The following PRKN variants were observed in gnomAD, a reference collection of about 807,000 sequenced individuals.
The protein encoded by PRKN is E3 ubiquitin-protein ligase parkin.
A neutral mutation model predicts 59.5 loss-of-function variants in PRKN; 56 were observed. That is an observed-to-expected ratio of 0.94 (90% CI 0.76 to 1.18). The LOEUF (loss-of-function observed/expected upper bound fraction) is 1.18. PRKN is among the 50% of genes most tolerant of loss of function. PRKN has a pLI of 0.00. For missense variants in PRKN, 657 were observed against 596.4 expected, an observed-to-expected ratio of 1.10 and a Z score of -1.06; for synonymous variants, 250 against 222.1, an observed-to-expected ratio of 1.13 and a Z score of -1.12.
intron 7 of PRKN, among the ~76,000 whole-genome samples, chr6:161,756,000 A>G (rs1013357745): frequency 2.6e-5 from 4 of 152,208 alleles, no homozygotes; most frequent in African/African-American, 9.7e-5. Flanking sequence ...ACAATTAGCA[A>G]TCAGCTGGGT....
At chr6:162,140,140 T>C (rs1781715142) in intron 4 of PRKN, among the ~76,000 whole-genome samples, 1 of 152,204 alleles carries the variant, frequency 6.6e-6, no homozygotes, top group African/African-American at 2.4e-5. Flanking sequence ...GATAATATGA[T>C]TCTGAACATT....
Position 162,257,884 on chromosome 6 carries a change from A to G in PRKN, c.412+4641T>C, listed in dbSNP as rs183032805. Among the ~76,000 whole-genome samples the G allele has an allele frequency of 1.3e-3, 191 of 152,188 alleles. 2 individuals carry two copies. Among genetic ancestry groups the G allele is most frequent in the Admixed American group, 2.0e-3 (31 of 15,284 alleles). On this transcript the variant is annotated intron_variant, in intron 3 of 11. Transcript: ENST00000366898. ...AGATCATGTCACTCCATTGTTCAAA[A>G]GTCAAATTTTCTCAACAGGGTCAAA...
At chr6:162,449,257 A>G (rs1427271364) in intron 1 of PRKN, among the ~76,000 whole-genome samples, 2 of 152,184 alleles carry the variant, frequency 1.3e-5, no homozygotes, top group Non-Finnish European at 2.9e-5. Flanking sequence ...AGATAAATAA[A>G]ATAAACATTC....
intron 1 of PRKN, among the ~76,000 whole-genome samples, chr6:162,677,176 G>C (rs925671117): frequency 6.6e-6 from 1 of 151,608 alleles, no homozygotes; most frequent in South Asian, 2.1e-4. Context: ...CAGGGCATAG[G>C]AGATAAAGCA....
rs1781150291 is a variant in PRKN, at chr6:161,576,887, A to G, written c.872-7471T>C. 6.6e-6 allele frequency among the ~76,000 whole-genome samples: 1 copy of G among 152,254 alleles called. No homozygotes were observed. The highest frequency in any genetic ancestry group is 1.5e-5 in the Non-Finnish European group (1 of 68,042). On this transcript the variant is annotated intron_variant, in intron 7 of 11. Transcript: ENST00000366898. The surrounding 1 kb of genome is among the most constrained non-coding windows in gnomAD (Gnocchi z 4.6). ...GGTAAATCTCAAAATCATAAAGTTG[A>G]GAAAAAAGTTGCAATCGTTTATGCA...
At chr6:162,262,848 C>T (rs567022600) in intron 2 of PRKN, 83 bp from the exon 3 acceptor site, 1 of 1,548,732 alleles carries the variant, frequency 6.5e-7, no homozygotes, top group South Asian at 1.2e-5. Flanking sequence ...AACTTGCCCT[C>T]CGTGGTAGAA....
intron 7 of PRKN, among the ~76,000 whole-genome samples, chr6:161,657,510 T>C (rs1784394142): frequency 1.3e-5 from 2 of 152,280 alleles, no homozygotes; most frequent in South Asian, 4.1e-4. Flanking sequence ...CTCTAGCTTT[T>C]CATTAGTAAT....
In PRKN at chr6:161,426,368, A is replaced by G. The variant is rs570856637; in HGVS notation, c.1084-39491T>C. Among the ~76,000 whole-genome samples the G allele has an allele frequency of 5.8e-4, 88 of 152,182 alleles. No homozygotes were observed. The South Asian group carries it at 0.013, about 22-fold the overall frequency. The stretch of plus-strand genomic sequence containing the variant: ...TAACATTTGAGTCAGTGGGCTGGGG[A>G]AGGCAGACCCACCCTTAATCTGAGT... On this transcript the variant is annotated intron_variant, in intron 9 of 11. Transcript: ENST00000366898.
intron 2 of PRKN, among the ~76,000 whole-genome samples, chr6:162,366,974 G>A (rs1785474895): frequency 6.6e-6 from 1 of 152,056 alleles, no homozygotes; most frequent in South Asian, 2.1e-4. Context: ...TTTGTATACA[G>A]TTTGATATGG....
At chr6:162,328,139 T>C (rs1583387070) in intron 2 of PRKN, among the ~76,000 whole-genome samples, 1 of 151,970 alleles carries the variant, frequency 6.6e-6, no homozygotes, top group African/African-American at 2.4e-5. Flanking sequence ...GGCAGGCGGG[T>C]CACAAAGTCA....
intron 1 of PRKN, among the ~76,000 whole-genome samples, chr6:162,533,998 A>G (rs548171908): frequency 4.2e-4 from 63 of 151,624 alleles, no homozygotes; most frequent in Non-Finnish European, 7.4e-4. Flanking sequence ...AGAGATATGA[A>G]GGAGGATTAA....
rs550303006 is a variant in PRKN, at chr6:161,850,798, C to T, written c.735-64890G>A. On this transcript the variant is annotated intron_variant, in intron 6 of 11. Transcript: ENST00000366898. Reference sequence around the variant, plus strand: ...GCATTCTACTCCATTTGCATTCAGCCTCCTGTTACCACCAATGCTCCCCAT... The same window carrying T: ...GCATTCTACTCCATTTGCATTCAGCTTCCTGTTACCACCAATGCTCCCCAT... Among the ~76,000 whole-genome samples the T allele has an allele frequency of 1.5e-4, 23 of 152,182 alleles. 2 individuals are homozygous for T. The South Asian group carries it at 4.6e-3, about 30-fold the overall frequency.
At chr6:162,396,067 C>A (rs1246796624) in intron 2 of PRKN, among the ~76,000 whole-genome samples, 1 of 152,156 alleles carries the variant, frequency 6.6e-6, no homozygotes, top group Non-Finnish European at 1.5e-5. Flanking sequence ...CGAATCATTT[C>A]TTGAAGCCTA....
rs550206574 is a variant in PRKN at position 161,538,452 on chromosome 6, G to C, written c.1083+10402C>G. On this transcript the variant is annotated intron_variant, in intron 9 of 11. Transcript: ENST00000366898. The surrounding 1 kb of genome is among the most constrained non-coding windows in gnomAD (Gnocchi z 4.2). ...GACAAAGGCCTGTATGGTAGGCTTGGATAGCTCTGCCAGGTGTACCTCCTA... is the reference window on the plus strand; with the variant it reads ...GACAAAGGCCTGTATGGTAGGCTTGCATAGCTCTGCCAGGTGTACCTCCTA... Among the ~76,000 whole-genome samples the C allele has an allele frequency of 1.3e-5, 2 of 152,246 alleles. No individual in the cohort carries two copies. The highest frequency in any genetic ancestry group is 3.9e-4 in the East Asian group (2 of 5,178).
chr6:161,916,867 C>T (rs563893961), intron 6 of PRKN, among the ~76,000 whole-genome samples: 5 of 152,268 alleles, frequency 3.3e-5, no homozygotes, highest in Admixed American at 3.3e-4. Context: ...GGCGCGACCT[C>T]GGTTCACTGC....
At chr6:161,805,801 A>G (rs1791294180) in intron 6 of PRKN, among the ~76,000 whole-genome samples, 1 of 152,052 alleles carries the variant, frequency 6.6e-6, no homozygotes, top group Admixed American at 6.5e-5. Flanking sequence ...GGTGGAGGGG[A>G]GTGGTGATGG....
chr6:161,946,052 T>C (rs891687214), intron 6 of PRKN, among the ~76,000 whole-genome samples: 3 of 152,172 alleles, frequency 2.0e-5, no homozygotes, highest in Non-Finnish European at 2.9e-5. Context: ...ATTTATTTAG[T>C]AAATGCTTAA....
chr6:162,637,024 A>G (rs1777740954), intron 1 of PRKN, among the ~76,000 whole-genome samples: 2 of 152,092 alleles, frequency 1.3e-5, no homozygotes, highest in Non-Finnish European at 2.9e-5. Flanking sequence ...TGGGAGGCTG[A>G]GGCGGGCAGA....
At chr6:162,568,695 CAGA>C (rs373363419) in intron 1 of PRKN, 3 of 837,712 alleles carry the variant, frequency 3.6e-6, no homozygotes, top group African/African-American at 1.7e-5. Context: ...CCTGCAGCAG[CAGA>C]AGATGGCTTG....
Sources: gnomAD v4.1 joint callset for allele counts (sites outside exome capture counted in the v4.1 genomes callset) on GRCh38, gnomAD v4.1.1 for gene constraint, Gnocchi (gnomAD v3.1) non-coding constraint, MANE v1.5 for transcripts, NCBI Gene and HGNC (gene_info 2026-07-23, HGNC 2026-07-21) for gene names.